ACTR3C: variants seen among roughly 807,000 people sequenced by gnomAD.
ACTR3C encodes actin-related protein 3C.
Under a neutral mutation model 26.3 loss-of-function variants are expected in ACTR3C, and 18 were observed. The observed-to-expected ratio is 0.68, with a 90% confidence interval of 0.47 to 1.01. The LOEUF (loss-of-function observed/expected upper bound fraction) is 1.01, where lower values mean the gene tolerates loss of function less well. Among genes scored for constraint, ACTR3C ranks in the 50% least tolerant of loss-of-function variants. The probability of loss-of-function intolerance (pLI) is 0.00; values close to 1 mark genes in which losing one functional copy is unlikely to be tolerated. For missense variants in ACTR3C, 184 were observed against 250.7 expected (o/e 0.73, Z 1.80); for synonymous variants, 55 against 94.5 (o/e 0.58, Z 2.42).
the ACTR3C span, among the ~76,000 whole-genome samples, chr7:149,938,773 T>C: frequency 2.0e-5 from 3 of 151,780 alleles, no homozygotes; most frequent in Admixed American, 2.0e-4. Flanking sequence ...AACAATGCAA[T>C]CATCTCATAT....
chr7:150,219,028 A>G, the ACTR3C span, among the ~76,000 whole-genome samples: 1 of 152,202 alleles, frequency 6.6e-6, no homozygotes, highest in Non-Finnish European at 1.5e-5. Flanking sequence ...ATCTGATAGA[A>G]GAAAATGCTT....
the ACTR3C span, among the ~76,000 whole-genome samples, chr7:150,036,646 T>A: frequency 1.5e-4 from 22 of 142,134 alleles, 2 homozygotes; most frequent in African/African-American, 5.5e-4. Flanking sequence ...CTAAGAATTC[T>A]CTCACCTGCC....
At chr7:150,265,529 A>G (rs1484055462) in intron 6 of ACTR3C, among the ~76,000 whole-genome samples, 2 of 152,042 alleles carry the variant, frequency 1.3e-5, no homozygotes, top group African/African-American at 4.8e-5. Flanking sequence ...CCCCATCTCT[A>G]CTAAAAATAC....
intron 1 of ACTR3C, among the ~76,000 whole-genome samples, chr7:150,309,059 T>C (rs1309440310): frequency 6.6e-6 from 1 of 152,134 alleles, no homozygotes; most frequent in African/African-American, 2.4e-5. Flanking sequence ...CACTGACACC[T>C]GCTTGCATCG....
the ACTR3C span, among the ~76,000 whole-genome samples, chr7:150,201,315 C>G: frequency 6.6e-6 from 1 of 152,186 alleles, no homozygotes; most frequent in African/African-American, 2.4e-5. Context: ...ACATACAGAG[C>G]TCTCAACACA....
the ACTR3C span, among the ~76,000 whole-genome samples, chr7:150,190,543 G>A: frequency 2.6e-5 from 4 of 152,076 alleles, no homozygotes; most frequent in African/African-American, 9.7e-5. Flanking sequence ...ATTTCTATGG[G>A]TGGGCATTTA....
At chr7:150,134,205 ATTT>A in the ACTR3C span, among the ~76,000 whole-genome samples, 69 of 81,736 alleles carry the variant, frequency 8.4e-4, no homozygotes, top group South Asian at 2.2e-3. Context: ...TTAAAGTATA[ATTT>A]TTTAAAAAAA....
chr7:150,000,110 T>A, the ACTR3C span, among the ~76,000 whole-genome samples: 1 of 151,866 alleles, frequency 6.6e-6, no homozygotes, highest in Non-Finnish European at 1.5e-5. Context: ...ATATGTAGTT[T>A]TAGATTTTAT....
At chr7:149,980,482 C>G in the ACTR3C span, among the ~76,000 whole-genome samples, 2 of 152,044 alleles carry the variant, frequency 1.3e-5, no homozygotes, top group African/African-American at 2.4e-5. Context: ...AAAGAGGGAC[C>G]CTGATTTCTA....
the ACTR3C span, among the ~76,000 whole-genome samples, chr7:149,898,900 A>C: frequency 6.6e-6 from 1 of 152,014 alleles, no homozygotes; most frequent in Non-Finnish European, 1.5e-5. Flanking sequence ...AACAGTTCTT[A>C]TGAACACAAT....
chr7:150,227,698 TTTG>T, the ACTR3C span, among the ~76,000 whole-genome samples: 24 of 126,126 alleles, frequency 1.9e-4, no homozygotes, highest in African/African-American at 8.7e-4. Context: ...GTTTTTTTTT[TTTG>T]TTTTTTTTTT....
the ACTR3C span, among the ~76,000 whole-genome samples, chr7:150,048,191 A>G: frequency 1.3e-5 from 2 of 151,980 alleles, no homozygotes; most frequent in African/African-American, 4.8e-5. Flanking sequence ...AAGGAAGAAA[A>G]AAAACCAAAA....
At chr7:150,231,343 G>A in the ACTR3C span, among the ~76,000 whole-genome samples, 7 of 151,990 alleles carry the variant, frequency 4.6e-5, no homozygotes, top group Admixed American at 1.3e-4. Flanking sequence ...CCTGAATAGA[G>A]TAATGCCCTC....
At chr7:150,224,873 T>C in the ACTR3C span, among the ~76,000 whole-genome samples, 1 of 152,094 alleles carries the variant, frequency 6.6e-6, no homozygotes, top group Non-Finnish European at 1.5e-5. Context: ...AAAGCATGGG[T>C]TTATGAATAT....
chr7:149,983,249 C>G, the ACTR3C span, among the ~76,000 whole-genome samples: 1 of 151,496 alleles, frequency 6.6e-6, no homozygotes, highest in South Asian at 2.1e-4. Flanking sequence ...GCACAAGAAA[C>G]AAAAGCAAAA....
the ACTR3C span, among the ~76,000 whole-genome samples, chr7:150,033,019 AT>A: frequency 6.6e-6 from 1 of 152,086 alleles, no homozygotes; most frequent in Non-Finnish European, 1.5e-5. Flanking sequence ...CTCTGGTCAG[AT>A]GGCAGGACGG....
chr7:150,034,601 G>GA, the ACTR3C span, among the ~76,000 whole-genome samples: 3 of 151,654 alleles, frequency 2.0e-5, no homozygotes, highest in African/African-American at 4.8e-5. Context: ...CCGGTAGATT[G>GA]CAAATAACCT....
chr7:150,236,632 C>T, the ACTR3C span, among the ~76,000 whole-genome samples: 1 of 152,080 alleles, frequency 6.6e-6, no homozygotes, highest in Non-Finnish European at 1.5e-5. Flanking sequence ...TACATAACCC[C>T]AGGCTAGCTG....
the ACTR3C span, among the ~76,000 whole-genome samples, chr7:150,034,332 G>C: frequency 1.3e-5 from 2 of 151,708 alleles, no homozygotes; most frequent in Admixed American, 1.3e-4. Context: ...AAGTCCAGCT[G>C]CCATCTTTTC....
Sources: allele counts gnomAD v4.1 joint callset (sites outside exome capture counted in the v4.1 genomes callset), GRCh38; gene constraint gnomAD v4.1.1; transcripts MANE v1.5; gene names NCBI Gene and HGNC (gene_info 2026-07-23, HGNC 2026-07-21).